KIRREL3: variants seen among roughly 807,000 people sequenced by gnomAD.
KIRREL3 encodes kin of IRRE-like protein 3.
Under a neutral mutation model 89.7 loss-of-function variants are expected in KIRREL3, and 36 were observed. That is an observed-to-expected ratio of 0.40 (90% CI 0.31 to 0.53). The LOEUF (loss-of-function observed/expected upper bound fraction) is 0.53, where lower values mean the gene tolerates loss of function less well. Among genes scored for constraint, KIRREL3 ranks in the 20% least tolerant of loss-of-function variants. KIRREL3 has a pLI of 0.49. For synonymous variants in KIRREL3, 445 were observed against 441.4 expected (o/e 1.01, Z -0.10); for missense variants, 864 against 1,056.6 (o/e 0.82, Z 2.53).
rs1339439158 is a variant in KIRREL3, at chr11:126,459,716, G to A, written c.743-3262C>T. On this transcript the variant is annotated intron_variant, in intron 6 of 16. Transcript: ENST00000525144. The surrounding 1 kb of genome is among the most constrained non-coding windows in gnomAD (Gnocchi z 4.8). Reference sequence around the variant, plus strand: ...AGTCTGTTAGTGTTTCCATCCGCCCGTGTGTGCGTGTGTCCATGTGTGTGT... The same window carrying A: ...AGTCTGTTAGTGTTTCCATCCGCCCATGTGTGCGTGTGTCCATGTGTGTGT... 1.3e-5 allele frequency among the ~76,000 whole-genome samples: 2 copies of A among 152,194 alleles called. No individual in the cohort carries two copies. The highest frequency in any genetic ancestry group is 2.9e-5 in the Non-Finnish European group (2 of 68,034).
chr11:126,712,264 A>AGTGTGTGTGTGTGT (rs3045186), intron 1 of KIRREL3, among the ~76,000 whole-genome samples: 2 of 149,742 alleles, frequency 1.3e-5, no homozygotes, highest in African/African-American at 4.9e-5. Flanking sequence ...GATAAGGGCG[A>AGTGTGTGTGTGTGT]GTGTGTGTGT....
chr11:126,895,171 G>A (rs1946098634), intron 1 of KIRREL3, among the ~76,000 whole-genome samples: 1 of 152,100 alleles, frequency 6.6e-6, no homozygotes, highest in Non-Finnish European at 1.5e-5. Flanking sequence ...TCTTGTGAAA[G>A]CAAGAAGAAG....
chr11:126,929,244 A>G (rs1694600786), intron 1 of KIRREL3, among the ~76,000 whole-genome samples: 1 of 152,202 alleles, frequency 6.6e-6, no homozygotes, highest in Non-Finnish European at 1.5e-5. Flanking sequence ...GTCAAGTGAC[A>G]AGATGTGGTC....
Position 126,744,724 on chromosome 11 carries a change from A to G in KIRREL3, c.56-181812T>C, listed in dbSNP as rs1368440003. On this transcript the variant is annotated intron_variant, in intron 1 of 16. Coordinates refer to ENST00000525144, the MANE Select transcript of KIRREL3 (RefSeq NM_032531.4). The surrounding 1 kb of genome is among the most constrained non-coding windows in gnomAD (Gnocchi z 4.7). ...TAAGGACCCGATGAACAGTACTCGT[A>G]TTACTATTCTTTATAATGCTCATGC... 6.6e-6 allele frequency among the ~76,000 whole-genome samples: 1 copy of G among 152,158 alleles called. No homozygotes were observed. Among genetic ancestry groups the G allele is most frequent in the Non-Finnish European group, 1.5e-5 (1 of 68,014 alleles).
In KIRREL3 at chr11:126,687,524, A is replaced by G. The variant is rs2135121457; in HGVS notation, c.56-124612T>C. Among the ~76,000 whole-genome samples, 1 of 152,298 alleles carries G rather than the reference A, an allele frequency of 6.6e-6. No individual in the cohort carries two copies. The highest frequency in any genetic ancestry group is 1.5e-5 in the Non-Finnish European group (1 of 68,014). ...TGGAGCTGCTAGTTCTGGAAACACT[A>G]TGGGGGAAATTGCAGGGTTTTCTAT... On this transcript the variant is annotated intron_variant, in intron 1 of 16. Transcript: ENST00000525144. The surrounding 1 kb of genome is among the most constrained non-coding windows in gnomAD (Gnocchi z 4.6).
At position 126,498,625 on chromosome 11, in the gene KIRREL3, G is replaced by A. The variant is rs1957750682; in HGVS notation, c.433+22690C>T. 6.6e-6 allele frequency among the ~76,000 whole-genome samples: 1 copy of A among 152,228 alleles called. No homozygotes were observed. Among genetic ancestry groups the A allele is most frequent in the Non-Finnish European group, 1.5e-5 (1 of 68,046 alleles). On this transcript the variant is annotated intron_variant, in intron 4 of 16. Transcript: ENST00000525144. This position sits in a 1 kb window ranked among gnomAD's most constrained non-coding sequence, Gnocchi z 4.3. ...GCATGCCAAGTGTCACAGCCAGGAG[G>A]GGAAGGGGCCCGTGACCTGGCACCC...
At position 126,876,275 on chromosome 11, in the gene KIRREL3, C is replaced by G. The variant is rs1317639264; in HGVS notation, c.55+124180G>C. 2.6e-5 allele frequency among the ~76,000 whole-genome samples: 4 copies of G among 152,184 alleles called. No homozygotes were observed. The highest frequency in any genetic ancestry group is 2.0e-4 in the Admixed American group (3 of 15,272). ...TGCAGAGGTGCTGTTCAGGAAGAAA[C>G]AGATCTGCTGGAGGCAACGATCTCT... is the stretch of plus-strand genomic sequence containing the variant. On this transcript the variant is annotated intron_variant, in intron 1 of 16. Transcript: ENST00000525144. The surrounding 1 kb of genome is among the most constrained non-coding windows in gnomAD (Gnocchi z 4.1).
rs868725970 is a variant in KIRREL3, at chr11:126,579,958, G to T, written c.56-17046C>A. ...CCTCCTGGATTCACGCCATTCTCCT[G>T]CCTCAGCCTCCCGAGTAGCTGGGAC... is the stretch of plus-strand genomic sequence containing the variant. On this transcript the variant is annotated intron_variant, in intron 1 of 16. Coordinates refer to ENST00000525144, the MANE Select transcript of KIRREL3 (RefSeq NM_032531.4). This position sits in a 1 kb window ranked among gnomAD's most constrained non-coding sequence, Gnocchi z 5.3. 7.9e-5 allele frequency among the ~76,000 whole-genome samples: 12 copies of T among 151,908 alleles called. No homozygotes were observed. Among genetic ancestry groups the T allele is most frequent in the African/African-American group, 2.7e-4 (11 of 41,394 alleles).
chr11:126,852,239 A>G (rs532119250), intron 1 of KIRREL3, among the ~76,000 whole-genome samples: 1 of 152,012 alleles, frequency 6.6e-6, no homozygotes, highest in South Asian at 2.1e-4. Flanking sequence ...TTTTTAGTAG[A>G]GATGGGGTTT....
upstream of KIRREL3, chr11:127,000,898 C>T: frequency 2.5e-6 from 1 of 396,912 alleles, no homozygotes. The surrounding 1 kb of genome is among the most constrained non-coding windows in gnomAD (Gnocchi z 7.1). Context: ...GGAGGGGAGA[C>T]AGGTCATAAT....
At chr11:126,510,421 T>TTTCCCTCCTTCCTTCC in intron 4 of KIRREL3, among the ~76,000 whole-genome samples, 1 of 126,416 alleles carries the variant, frequency 7.9e-6, no homozygotes, top group African/African-American at 3.4e-5. Context: ...CCTGACGTTG[T>TTTCCCTCCTTCCTTCC]TTCCTTCCTT....
chr11:126,546,633 T>C (rs1179035073), intron 2 of KIRREL3, among the ~76,000 whole-genome samples: 1 of 152,324 alleles, frequency 6.6e-6, no homozygotes. Flanking sequence ...ACATCATAAA[T>C]ATGGATGAAG....
chr11:126,512,179 A>G (rs1958245013), intron 4 of KIRREL3, among the ~76,000 whole-genome samples: 1 of 152,244 alleles, frequency 6.6e-6, no homozygotes. Flanking sequence ...ACAAGGAGTG[A>G]GGGTCAGTAC....
chr11:126,701,216 C>T (rs184639416), intron 1 of KIRREL3, among the ~76,000 whole-genome samples: 7 of 152,230 alleles, frequency 4.6e-5, no homozygotes, highest in South Asian at 2.1e-4. Flanking sequence ...TGTGTGTTTG[C>T]GTGTGTGCAT....
intron 1 of KIRREL3, among the ~76,000 whole-genome samples, chr11:126,672,578 A>C (rs1946004747): frequency 6.6e-6 from 1 of 152,256 alleles, no homozygotes; most frequent in Non-Finnish European, 1.5e-5. Context: ...AGGGTTGAAT[A>C]GATGAAGCAC....
chr11:126,568,904 A>G lies in KIRREL3; in HGVS notation c.56-5992T>C, dbSNP rs2134614297. ...GTGAGCTCTCCAGGGTGATATAATG[A>G]GCTATTAGGTTGCATACTTCCCAGG... On this transcript the variant is annotated intron_variant, in intron 1 of 16. Transcript: ENST00000525144. This position sits in a 1 kb window ranked among gnomAD's most constrained non-coding sequence, Gnocchi z 4.6. Among the ~76,000 whole-genome samples, 1 of 152,056 alleles carries G rather than the reference A, an allele frequency of 6.6e-6. No individual in the cohort carries two copies. Among genetic ancestry groups the G allele is most frequent in the Non-Finnish European group, 1.5e-5 (1 of 68,004 alleles).
chr11:126,902,505 G>A (rs974947251), intron 1 of KIRREL3, among the ~76,000 whole-genome samples: 2 of 152,228 alleles, frequency 1.3e-5, no homozygotes, highest in Non-Finnish European at 2.9e-5. Context: ...TTATAGAACA[G>A]AATGTGAAAG....
rs563605575 is a variant in KIRREL3 at position 126,454,389 on chromosome 11, G to C, written c.848+1960C>G. Among the ~76,000 whole-genome samples the C allele has an allele frequency of 5.4e-4, 82 of 152,262 alleles. No individual in the cohort carries two copies. Among genetic ancestry groups the C allele is most frequent in the African/African-American group, 1.8e-3 (76 of 41,544 alleles). ...CAGGTGACCAGAGCCTGGCAGTGAGGAGAAACGAAAGTCGAAAGTTGTGTG... is the reference window on the plus strand; with the variant it reads ...CAGGTGACCAGAGCCTGGCAGTGAGCAGAAACGAAAGTCGAAAGTTGTGTG... On this transcript the variant is annotated intron_variant, in intron 7 of 16. Transcript: ENST00000525144. This position sits in a 1 kb window ranked among gnomAD's most constrained non-coding sequence, Gnocchi z 5.8.
intron 2 of KIRREL3, among the ~76,000 whole-genome samples, chr11:126,548,573 C>T (rs1939004272): frequency 6.6e-6 from 1 of 152,220 alleles, no homozygotes; most frequent in Non-Finnish European, 1.5e-5. Flanking sequence ...GGTTTGGGGT[C>T]CCCCCATGCC....
Sources: gnomAD v4.1 joint callset for allele counts (sites outside exome capture counted in the v4.1 genomes callset) on GRCh38, gnomAD v4.1.1 for gene constraint, Gnocchi (gnomAD v3.1) non-coding constraint, MANE v1.5 for transcripts, NCBI Gene and HGNC (gene_info 2026-07-23, HGNC 2026-07-21) for gene names.